Variants in TOGARAM2 observed in about 807,000 individuals in gnomAD.
TOGARAM2 encodes the protein TOG array regulator of axonemal microtubules protein 2.
TOGARAM2 carries 85 observed loss-of-function variants against 93.3 expected under a neutral mutation model. The observed-to-expected ratio is 0.91, with a 90% CI of 0.76 to 1.09. The LOEUF is 1.09. Ranked by LOEUF, TOGARAM2 falls within the 50% of genes least tolerant of loss-of-function variation. The pLI, the probability that TOGARAM2 is intolerant of heterozygous loss-of-function variation, is 0.00. For missense variants in TOGARAM2, 1,277 were observed against 1,334.5 expected (o/e 0.96, Z 0.67); for synonymous variants, 593 against 552.8 (o/e 1.07, Z -1.02).
In TOGARAM2 at chr2:28,998,333, T is replaced by C. The variant is rs1256690129; in HGVS notation, c.139+80T>C. On this transcript the variant is annotated intron_variant, in intron 3 of 19. Transcript: ENST00000379558. ...GAGTGAGTGTGGTAGATGCCGGCTGTGTTCTCGAGCTACCAGCAGGTGTTA... is the reference window on the plus strand; with the variant it reads ...GAGTGAGTGTGGTAGATGCCGGCTGCGTTCTCGAGCTACCAGCAGGTGTTA... The C allele has an allele frequency of 3.2e-6, 3 of 934,580 alleles. No individual in the cohort carries two copies. In the African/African-American group the frequency reaches 5.0e-5, roughly 16 times the overall value. 57.9% of individuals were successfully genotyped at this position (934,580 alleles called of 1,614,324 possible).
intron 1 of TOGARAM2, among the ~76,000 whole-genome samples, chr2:28,971,740 C>T (rs1671949181): frequency 1.3e-5 from 2 of 152,000 alleles, no homozygotes; most frequent in Non-Finnish European, 2.9e-5. Context: ...GAGAGATCTA[C>T]ACCTTACCTG....
At position 29,051,800 on chromosome 2, in the gene TOGARAM2, C is replaced by G; in HGVS notation, c.2767C>G (p.Arg923Gly). 3 of 1,551,836 alleles carry G rather than the reference C, an allele frequency of 1.9e-6. No individual in the cohort carries two copies. The highest frequency in any genetic ancestry group is 2.6e-6 in the Non-Finnish European group (3 of 1,145,728). Residue 923 changes from arginine to glycine, a missense_variant, in exon 20 of 20, where the codon CGG becomes GGG. Transcript: ENST00000379558. ...CCCCCGGAAGCCTCAAGCTGTAGAG[C>G]GGCATGTCCTTCCCATCCTCTGGCA... ...VYPRKPQAVE[R>G]HVLPILWHFL...
intron 1 of TOGARAM2, among the ~76,000 whole-genome samples, chr2:28,974,391 G>A (rs1162343795): frequency 3.9e-5 from 6 of 152,116 alleles, no homozygotes; most frequent in Middle Eastern, 3.4e-3. Flanking sequence ...GCCTCTTAAC[G>A]ATGTGTCTTG....
chr2:29,030,449 C>T (rs1458651612), intron 14 of TOGARAM2, among the ~76,000 whole-genome samples: 1 of 151,722 alleles, frequency 6.6e-6, no homozygotes, highest in African/African-American at 2.4e-5. Flanking sequence ...TTGTGTAACT[C>T]TGCCATGCAA....
At chr2:29,004,892 ATG>A (rs1553338649) in intron 6 of TOGARAM2, among the ~76,000 whole-genome samples, 3 of 108,140 alleles carry the variant, frequency 2.8e-5, no homozygotes, top group African/African-American at 6.8e-5. Flanking sequence ...GTATGTGTAC[ATG>A]TGTGAGTGCA....
At chr2:28,985,380 G>A (rs372992409) in intron 1 of TOGARAM2, among the ~76,000 whole-genome samples, 4 of 148,924 alleles carry the variant, frequency 2.7e-5, no homozygotes, top group African/African-American at 9.9e-5. Flanking sequence ...TTTTGTTTTT[G>A]TTTTAAGTCG....
At chr2:29,030,606 C>T (rs546745345) in intron 14 of TOGARAM2, among the ~76,000 whole-genome samples, 1 of 152,336 alleles carries the variant, frequency 6.6e-6, no homozygotes, top group East Asian at 1.9e-4. Flanking sequence ...ATGGTGACTA[C>T]ATTTCCTTTT....
intron 1 of TOGARAM2, among the ~76,000 whole-genome samples, chr2:28,965,335 C>A (rs1378576522): frequency 6.6e-6 from 1 of 151,744 alleles, no homozygotes; most frequent in African/African-American, 2.4e-5. Flanking sequence ...GTTTTTATTG[C>A]CCTTTTCCCC....
At chr2:29,004,872 T>C (rs1476998177) in intron 6 of TOGARAM2, among the ~76,000 whole-genome samples, 1 of 150,210 alleles carries the variant, frequency 6.7e-6, no homozygotes, top group Non-Finnish European at 1.5e-5. Context: ...TGTGTGCATG[T>C]GTGTGGAGTG....
At chr2:28,973,854 G>T (rs970089141) in intron 1 of TOGARAM2, among the ~76,000 whole-genome samples, 1 of 152,100 alleles carries the variant, frequency 6.6e-6, no homozygotes, top group African/African-American at 2.4e-5. Flanking sequence ...TTTGCGGGTA[G>T]GTCTGACTGT....
At chr2:29,022,767 C>G (rs549171503) in intron 11 of TOGARAM2, among the ~76,000 whole-genome samples, 98 of 152,358 alleles carry the variant, frequency 6.4e-4, no homozygotes, top group African/African-American at 2.3e-3. Flanking sequence ...CTTCAGTCCT[C>G]CCTGTTCAAG....
At position 29,003,675 on chromosome 2, in the gene TOGARAM2, C is replaced by G. The variant is rs747497290; in HGVS notation, c.823C>G (p.Arg275Gly). The G allele has an allele frequency of 4.6e-6, 7 of 1,538,156 alleles. No homozygotes were observed. In the Admixed American group the frequency reaches 6.3e-5, roughly 14 times the overall value. ...QGVLTGLRAP[R>G]TRLARGSGPR... Reference sequence around the variant, plus strand: ...AGTCCTCACAGGCCTGAGGGCCCCACGCACGCGGTAAGAGCTCCAAGTCAA... The same window carrying G: ...AGTCCTCACAGGCCTGAGGGCCCCAGGCACGCGGTAAGAGCTCCAAGTCAA... Residue 275 changes from arginine to glycine, a missense_variant, in exon 6 of 20, where the codon CGC becomes GGC. Coordinates refer to ENST00000379558, the MANE Select transcript of TOGARAM2 (RefSeq NM_199280.4).
chr2:28,959,221 G>A (rs1444435689), intron 1 of TOGARAM2, among the ~76,000 whole-genome samples: 1 of 152,164 alleles, frequency 6.6e-6, no homozygotes, highest in Non-Finnish European at 1.5e-5. Context: ...TGACACAGTT[G>A]CTGAGCATAG....
rs1279089346 is a variant in TOGARAM2 at position 29,004,960 on chromosome 2, ATG to A, written c.830+1285_830+1286del. Among the ~76,000 whole-genome samples the A allele has an allele frequency of 5.2e-5, 6 of 116,324 alleles. 1 individual carries two copies. Among genetic ancestry groups the A allele is most frequent in the East Asian group, 6.8e-4 (2 of 2,924 alleles). 76.3% of individuals were successfully genotyped at this position (116,324 alleles called of 152,430 possible). On this transcript the variant is annotated intron_variant, in intron 6 of 19. Coordinates refer to ENST00000379558, the MANE Select transcript of TOGARAM2 (RefSeq NM_199280.4). ...TGTGTGTGCATGTGTGTGCATGTGT[ATG>A]TGTGTGAGTGCATGTGTGTATGTGT...
chr2:29,039,158 G>C (rs72859160), intron 18 of TOGARAM2, among the ~76,000 whole-genome samples: 3,106 of 152,318 alleles, frequency 0.02, 102 homozygotes, highest in African/African-American at 0.065. Context: ...GGTGGTTCTA[G>C]TGGTTTCTTG....
intron 18 of TOGARAM2, among the ~76,000 whole-genome samples, chr2:29,037,095 G>A (rs569961805): frequency 8.5e-5 from 13 of 152,156 alleles, no homozygotes; most frequent in Non-Finnish European, 1.5e-4. Flanking sequence ...CTGGGCTGGG[G>A]CTTGGCGTGG....
At position 29,017,087 on chromosome 2, in the gene TOGARAM2, T is replaced by C. The variant is rs1664622069; in HGVS notation, c.1045-67T>C. ...CAATTGGCACACAGTAGAAACATTTTTGATGATTGAATGTTGATGATTGAA... is the reference window on the plus strand; with the variant it reads ...CAATTGGCACACAGTAGAAACATTTCTGATGATTGAATGTTGATGATTGAA... On this transcript the variant is annotated intron_variant, in intron 8 of 19. Transcript: ENST00000379558. 4 of 1,560,650 alleles carry C rather than the reference T, an allele frequency of 2.6e-6. No homozygotes were observed. In the Admixed American group the frequency reaches 7.3e-5, roughly 28 times the overall value.
At chr2:28,970,100 C>A (rs368193148) in intron 1 of TOGARAM2, among the ~76,000 whole-genome samples, 1 of 151,722 alleles carries the variant, frequency 6.6e-6, no homozygotes, top group African/African-American at 2.4e-5. Context: ...CATGAGCCAC[C>A]GTGCCCGACA....
At chr2:29,014,013 G>A (rs1437301300) in intron 7 of TOGARAM2, among the ~76,000 whole-genome samples, 1 of 152,158 alleles carries the variant, frequency 6.6e-6, no homozygotes, top group Non-Finnish European at 1.5e-5. Flanking sequence ...CATATGAAAG[G>A]ATTGGTGGGC....
Sources: allele counts gnomAD v4.1 joint callset (sites outside exome capture counted in the v4.1 genomes callset), GRCh38; gene constraint gnomAD v4.1.1; transcripts MANE v1.5; gene names NCBI Gene and HGNC (gene_info 2026-07-23, HGNC 2026-07-21).